The following FAM110B variants were observed in gnomAD, a reference collection of about 807,000 sequenced individuals.
The protein encoded by FAM110B is family with sequence similarity 110 member B, also known as protein FAM110B.
FAM110B carries 6 observed loss-of-function variants against 20.4 expected under a neutral mutation model. The observed-to-expected ratio is 0.29, with a 90% CI of 0.16 to 0.58. The LOEUF (loss-of-function observed/expected upper bound fraction) is 0.58. Among genes scored for constraint, FAM110B ranks in the 20% least tolerant of loss-of-function variants. The pLI is 0.90. For synonymous variants in FAM110B, 226 were observed against 214.1 expected, an observed-to-expected ratio of 1.06 and a Z score of -0.49; for missense variants, 434 against 498.2, an observed-to-expected ratio of 0.87 and a Z score of 1.23.
At chr8:58,034,603 C>T (rs892953048) in intron 2 of FAM110B, among the ~76,000 whole-genome samples, 7 of 152,156 alleles carry the variant, frequency 4.6e-5, no homozygotes, top group Non-Finnish European at 1.0e-4. Flanking sequence ...CCTATTCATC[C>T]ATCAAAGCAG....
At position 58,146,929 on chromosome 8, in the gene FAM110B, C is replaced by T. The variant is rs372969421; in HGVS notation, c.699C>T (p.Ile233=). The T allele has an allele frequency of 6.8e-6, 11 of 1,614,092 alleles. No homozygotes were observed. The African/African-American group carries it at 1.5e-4, about 22-fold the overall frequency. The change falls in exon 4 of 4, where the codon ATC becomes ATT. Residue 233 remains isoleucine, a synonymous_variant. Transcript: ENST00000519262. The part of the protein sequence containing the change: ...PLPPKPKIAA[I]ASMKSPEADP... Reference sequence around the variant, plus strand: ...CTCCCAAGCCCAAAATCGCAGCCATCGCCTCCATGAAGTCCCCCGAGGCCG... The same window carrying T: ...CTCCCAAGCCCAAAATCGCAGCCATTGCCTCCATGAAGTCCCCCGAGGCCG...
At chr8:58,083,608 G>A (rs1347936892) in intron 3 of FAM110B, among the ~76,000 whole-genome samples, 1 of 152,028 alleles carries the variant, frequency 6.6e-6, no homozygotes, top group Non-Finnish European at 1.5e-5. Flanking sequence ...CCGCTATTTC[G>A]GGGAAGTGGC....
chr8:58,081,500 C>T (rs547983903), intron 3 of FAM110B, among the ~76,000 whole-genome samples: 8 of 152,336 alleles, frequency 5.3e-5, no homozygotes, highest in African/African-American at 1.9e-4. Flanking sequence ...AGCCACCATA[C>T]CTGGCCAGAA....
chr8:58,051,902 TAAA>T (rs1805450546), intron 2 of FAM110B, among the ~76,000 whole-genome samples: 1 of 152,220 alleles, frequency 6.6e-6, no homozygotes, highest in Non-Finnish European at 1.5e-5. Context: ...AGCATTCATT[TAAA>T]TGAGGTGGAT....
Position 58,146,607 on chromosome 8 carries a change from A to C in FAM110B, c.377A>C (p.Asn126Thr). ...LKLEILKNII[N>T]SSEGSSSGSG... ...CTGGAGATCCTGAAGAACATCATCA[A>C]TAGCTCCGAGGGCTCTAGCTCGGGC... Residue 126 changes from asparagine to threonine, a missense_variant, in exon 4 of 4, where the codon AAT becomes ACT. Physicochemically the swap from Asn to Thr is moderately conservative, Grantham distance 65. Around this residue, in one of 3 missense-constraint regions of FAM110B, gnomAD observed 284 missense variants for 278.3 expected, o/e 1.02. Transcript: ENST00000519262. 2 of 1,614,036 alleles carry C rather than the reference A, an allele frequency of 1.2e-6. No individual in the cohort carries two copies. Among genetic ancestry groups the C allele is most frequent in the Admixed American group, 3.3e-5 (2 of 60,030 alleles).
intron 1 of FAM110B, among the ~76,000 whole-genome samples, chr8:58,028,700 A>G (rs1804904277): frequency 6.6e-6 from 1 of 152,146 alleles, no homozygotes; most frequent in Non-Finnish European, 1.5e-5. Flanking sequence ...AGTATTTCTT[A>G]TTGGATGTTT....
chr8:58,023,346 T>A (rs1804792892), intron 1 of FAM110B, among the ~76,000 whole-genome samples: 1 of 152,232 alleles, frequency 6.6e-6, no homozygotes, highest in Admixed American at 6.5e-5. Context: ...TTTTATGATG[T>A]CAGCTAATAA....
chr8:58,101,993 C>G (rs754209190), intron 3 of FAM110B, among the ~76,000 whole-genome samples: 14 of 152,200 alleles, frequency 9.2e-5, no homozygotes. Context: ...TGCTCAGTCC[C>G]TACATCTAAA....
chr8:58,109,962 A>G (rs918224897), intron 3 of FAM110B, among the ~76,000 whole-genome samples: 9 of 152,228 alleles, frequency 5.9e-5, no homozygotes, highest in Non-Finnish European at 1.3e-4. Context: ...AATTCGGAAC[A>G]TCATACTCTC....
chr8:58,141,166 G>T (rs1803735880), intron 3 of FAM110B, among the ~76,000 whole-genome samples: 1 of 152,218 alleles, frequency 6.6e-6, no homozygotes, highest in Non-Finnish European at 1.5e-5. Flanking sequence ...TCAGAGTCAA[G>T]TTGGAACCTG....
chr8:58,091,107 C>T (rs1197917607), intron 3 of FAM110B, among the ~76,000 whole-genome samples: 1 of 152,168 alleles, frequency 6.6e-6, no homozygotes, highest in Non-Finnish European at 1.5e-5. Context: ...TTTAGTTATC[C>T]AAACAGTCTC....
chr8:58,124,588 A>C (rs148016491), intron 3 of FAM110B, among the ~76,000 whole-genome samples: 2 of 152,246 alleles, frequency 1.3e-5, no homozygotes, highest in Admixed American at 6.5e-5. Context: ...GAAGGTAGGA[A>C]GGCGCATCCT....
chr8:58,030,295 C>T (rs779620555), intron 1 of FAM110B, among the ~76,000 whole-genome samples: 3 of 152,094 alleles, frequency 2.0e-5, no homozygotes, highest in Non-Finnish European at 4.4e-5. Flanking sequence ...TAATCTAATA[C>T]TAATTTACTC....
At chr8:58,044,806 A>G (rs997295488) in intron 2 of FAM110B, among the ~76,000 whole-genome samples, 1 of 152,218 alleles carries the variant, frequency 6.6e-6, no homozygotes, top group African/African-American at 2.4e-5. Flanking sequence ...GTGGTTAAAA[A>G]TCAGGCAACA....
intron 2 of FAM110B, 138 bp from the exon 3 acceptor site, chr8:58,075,397 G>A (rs1349827209): frequency 6.6e-6 from 1 of 151,934 alleles, no homozygotes; most frequent in African/African-American, 2.4e-5. Context: ...GGGATGACAA[G>A]CGTGAGCCAC....
chr8:58,029,612 G>A (rs966911552), intron 1 of FAM110B, among the ~76,000 whole-genome samples: 2 of 152,036 alleles, frequency 1.3e-5, no homozygotes, highest in Non-Finnish European at 2.9e-5. Flanking sequence ...TTAAAGATCC[G>A]CTATGATCTA....
intron 1 of FAM110B, among the ~76,000 whole-genome samples, chr8:58,005,751 C>G (rs1804390738): frequency 6.6e-6 from 1 of 152,178 alleles, no homozygotes; most frequent in Non-Finnish European, 1.5e-5. Context: ...GAATTATCCC[C>G]AACAAAACTT....
At chr8:58,075,483 A>G (rs913629429) in intron 2 of FAM110B, 52 bp from the exon 3 acceptor site, 4 of 152,140 alleles carry the variant, frequency 2.6e-5, no homozygotes, top group East Asian at 1.9e-4. Context: ...TAGCTTGCCT[A>G]TTTTTATCAA....
intron 3 of FAM110B, among the ~76,000 whole-genome samples, chr8:58,078,700 G>A (rs1345652196): frequency 4.0e-5 from 6 of 151,584 alleles, no homozygotes; most frequent in South Asian, 2.1e-4. Context: ...ACAGGCACCC[G>A]CCACCACGCC....
Sources: allele counts gnomAD v4.1 joint callset (sites outside exome capture counted in the v4.1 genomes callset), GRCh38; gene constraint gnomAD v4.1.1; regional missense constraint gnomAD v4.1.1; transcripts MANE v1.5; gene names NCBI Gene and HGNC (gene_info 2026-07-23, HGNC 2026-07-21).